Variants in DMP1 observed in about 807,000 individuals in gnomAD.
DMP1 encodes dentin matrix acidic phosphoprotein 1, also known as dentin matrix protein 1.
In DMP1, 20 loss-of-function variants were observed where a neutral mutation model predicts 14.6. The ratio of observed to expected loss-of-function variants is 1.37; its 90% CI spans 0.96 to 1.99. The LOEUF (loss-of-function observed/expected upper bound fraction) is 1.99. Among genes scored for constraint, DMP1 ranks in the 30% most tolerant of loss-of-function variants. The pLI is 0.00. For missense variants in DMP1, 567 were observed against 620.5 expected (o/e 0.91, Z 0.92); for synonymous variants, 197 against 215.3 (o/e 0.91, Z 0.75).
chr4:87,656,908 G>T, intron 2 of DMP1, 124 bp from the exon 3 acceptor site: 1 of 711,120 alleles, frequency 1.4e-6, no homozygotes, highest in Admixed American at 2.1e-5. Context: ...GTTTTAACAA[G>T]GCCTCCCAGT....
chr4:87,663,638 G>T lies in DMP1; in HGVS notation c.*318G>T. 2.4e-6 allele frequency: 1 copy of T among 410,876 alleles called. No individual in the cohort carries two copies. Among genetic ancestry groups the T allele is most frequent in the South Asian group, 2.2e-5 (1 of 46,206 alleles). The allele number at this position is 410,876 out of a possible 1,614,324, so 25.5% of individuals were successfully genotyped here. On this transcript the variant is annotated 3_prime_UTR_variant, in exon 6 of 6. Coordinates refer to ENST00000339673, the MANE Select transcript of DMP1 (RefSeq NM_004407.4). ...GCTATTGGGTGTCCATGATATACCA[G>T]GCACTATGCTAGGTGTTGAGAATGT...
At chr4:87,658,296 C>G (rs1447961529) in intron 3 of DMP1, among the ~76,000 whole-genome samples, 3 of 152,362 alleles carry the variant, frequency 2.0e-5, no homozygotes, top group African/African-American at 4.8e-5. Context: ...CAGCTCCTCC[C>G]TGCTCTACTT....
At chr4:87,655,869 A>G (rs1728675420) in intron 1 of DMP1, among the ~76,000 whole-genome samples, 1 of 152,174 alleles carries the variant, frequency 6.6e-6, no homozygotes, top group South Asian at 2.1e-4. Flanking sequence ...CTTTTTCGTC[A>G]ATTTATCATA....
Position 87,662,351 on chromosome 4 carries a change from G to T in DMP1, c.573G>T (p.Glu191Asp). 1.2e-6 allele frequency: 2 copies of T among 1,614,120 alleles called. No individual in the cohort carries two copies. Among genetic ancestry groups the T allele is most frequent in the Non-Finnish European group, 1.7e-6 (2 of 1,180,022 alleles). The change falls in exon 6 of 6, where the codon GAG becomes GAT. Residue 191 changes from glutamate (E) to aspartate (D), a missense_variant. By Grantham distance (45) the Glu-to-Asp change is conservative (BLOSUM62 2). Coordinates refer to ENST00000339673, the MANE Select transcript of DMP1 (RefSeq NM_004407.4). ...GDSTQESESE[E>D]HWVGGGSDGE... ...CCACTCAAGAGAGTGAGAGTGAAGA[G>T]CACTGGGTGGGAGGTGGCAGTGATG...
At chr4:87,657,704 T>A (rs1220745481) in intron 3 of DMP1, among the ~76,000 whole-genome samples, 3 of 152,230 alleles carry the variant, frequency 2.0e-5, no homozygotes, top group Non-Finnish European at 4.4e-5. Context: ...TGATATTACG[T>A]CACTCTAGCT....
Position 87,661,959 on chromosome 4 carries a change from T to C in DMP1, c.184-3T>C, listed in dbSNP as rs371815042. On this transcript the variant is annotated splice_region_variant and splice_polypyrimidine_tract_variant and intron_variant, in intron 5 of 5. Transcript: ENST00000339673. ...GACCATATCTGTTAACCCCAAATTC[T>C]AGGCAAATGAAGACCCCAGTGACAG... is the stretch of plus-strand genomic sequence containing the variant. 1.9e-6 allele frequency: 3 copies of C among 1,614,128 alleles called. No individual in the cohort carries two copies. The highest frequency in any genetic ancestry group is 2.5e-6 in the Non-Finnish European group (3 of 1,180,014).
chr4:87,653,413 AT>A (rs1201913891), intron 1 of DMP1, among the ~76,000 whole-genome samples: 20 of 112,620 alleles, frequency 1.8e-4, no homozygotes, highest in Non-Finnish European at 2.9e-4. Context: ...ATATATATAT[AT>A]ATATATATAT....
At chr4:87,653,446 G>C (rs1262212280) in intron 1 of DMP1, among the ~76,000 whole-genome samples, 1 of 101,470 alleles carries the variant, frequency 9.9e-6, no homozygotes, top group Non-Finnish European at 2.1e-5. Flanking sequence ...TTTTTTTTGA[G>C]ATAGGGTCTT....
Position 87,663,476 on chromosome 4 carries a change from G to C in DMP1, c.*156G>C. Reference sequence around the variant, plus strand: ...TTGCTGGACATTACACTTGTTTTTAGGGTGTCATCATTTCACAGAGGTTTA... The same window carrying C: ...TTGCTGGACATTACACTTGTTTTTACGGTGTCATCATTTCACAGAGGTTTA... On this transcript the variant is annotated 3_prime_UTR_variant, in exon 6 of 6. Transcript: ENST00000339673. 1.8e-6 allele frequency: 2 copies of C among 1,115,208 alleles called. No homozygotes were observed. Among genetic ancestry groups the C allele is most frequent in the Non-Finnish European group, 2.6e-6 (2 of 767,602 alleles). The allele number at this position is 1,115,208 out of a possible 1,614,324, so 69.1% of individuals were successfully genotyped here. A position where few individuals can be genotyped will look rare whatever the true frequency, so the allele number is the denominator to read the frequency against.
chr4:87,660,280 T>C (rs543988479), intron 5 of DMP1, among the ~76,000 whole-genome samples: 88 of 152,310 alleles, frequency 5.8e-4, no homozygotes, highest in African/African-American at 2.0e-3. Flanking sequence ...AGAAATGCCG[T>C]TTGCTGGGGA....
chr4:87,663,847 G>A lies in DMP1; in HGVS notation c.*527G>A, dbSNP rs554759690. ...GAACACTGAGAAGGGTGACCAATGC[G>A]TTGGAGAACGAGGGAGGGCTTCATA... is the stretch of plus-strand genomic sequence containing the variant. On this transcript the variant is annotated 3_prime_UTR_variant, in exon 6 of 6. Coordinates refer to ENST00000339673, the MANE Select transcript of DMP1 (RefSeq NM_004407.4). 1.9e-4 allele frequency: 33 copies of A among 169,962 alleles called. No homozygotes were observed. The highest frequency in any genetic ancestry group is 3.3e-4 in the Admixed American group (6 of 18,224). The allele number at this position is 169,962 out of a possible 1,614,324, so 10.5% of individuals were successfully genotyped here.
At chr4:87,657,623 T>C (rs1728737105) in intron 3 of DMP1, among the ~76,000 whole-genome samples, 1 of 152,220 alleles carries the variant, frequency 6.6e-6, no homozygotes, top group Admixed American at 6.5e-5. Context: ...ACTTTACAGA[T>C]GAGAAAACTG....
intron 2 of DMP1, 127 bp downstream of exon 2, chr4:87,656,673 C>T (rs1728707107): frequency 1.3e-6 from 1 of 766,806 alleles, no homozygotes; most frequent in Non-Finnish European, 2.4e-6. Context: ...TCTTAGCATG[C>T]TGTTTTCTTA....
chr4:87,661,341 C>A lies in DMP1; in HGVS notation c.184-621C>A, dbSNP rs576380507. 1.3e-4 allele frequency among the ~76,000 whole-genome samples: 19 copies of A among 151,542 alleles called. No individual in the cohort carries two copies. The South Asian group carries it at 2.3e-3, about 18-fold the overall frequency. ...GGTTCACGCCATTCTCCTGCCTCAG[C>A]CTCCGGAGTAGCTGGGACTACAGGC... On this transcript the variant is annotated intron_variant, in intron 5 of 5. Coordinates refer to ENST00000339673, the MANE Select transcript of DMP1 (RefSeq NM_004407.4).
At chr4:87,652,536 G>A (rs1728553453) in intron 1 of DMP1, among the ~76,000 whole-genome samples, 1 of 152,102 alleles carries the variant, frequency 6.6e-6, no homozygotes, top group Non-Finnish European at 1.5e-5. Context: ...TTGCATCTGG[G>A]AAATTATTGC....
intron 5 of DMP1, among the ~76,000 whole-genome samples, chr4:87,660,352 G>T (rs942558011): frequency 9.9e-5 from 15 of 152,170 alleles, no homozygotes. Context: ...ATTCCTGCTT[G>T]AGAAAGGGTA....
chr4:87,656,115 C>T (rs1031026735), intron 1 of DMP1, among the ~76,000 whole-genome samples: 3 of 152,154 alleles, frequency 2.0e-5, no homozygotes, highest in African/African-American at 7.2e-5. Flanking sequence ...TTAGCTGTCA[C>T]CCCTCAACCT....
rs1029997141 is a variant in DMP1, at chr4:87,663,056, C to T, written c.1278C>T (p.Asn426=). 3 of 1,614,056 alleles carry T rather than the reference C, an allele frequency of 1.9e-6. No individual in the cohort carries two copies. The highest frequency in any genetic ancestry group is 2.7e-5 in the African/African-American group (2 of 74,926). ...EESPESPEDE[N]SSSQEGLQSH... The stretch of plus-strand genomic sequence containing the variant: ...GCCCGGAGTCCCCTGAGGATGAGAA[C>T]AGCTCCAGCCAGGAGGGCCTCCAGT... The change falls in exon 6 of 6, where the codon AAC becomes AAT. Residue 426 remains asparagine (N), a synonymous_variant. Transcript: ENST00000339673.
intron 1 of DMP1, among the ~76,000 whole-genome samples, chr4:87,654,823 C>T (rs909291318): frequency 2.0e-5 from 3 of 152,200 alleles, no homozygotes; most frequent in African/African-American, 7.2e-5. Flanking sequence ...GTCAGACATG[C>T]ATCTGTCTCA....
Sources: gnomAD v4.1 joint callset for allele counts (sites outside exome capture counted in the v4.1 genomes callset) on GRCh38, gnomAD v4.1.1 for gene constraint, MANE v1.5 for transcripts, NCBI Gene and HGNC (gene_info 2026-07-23, HGNC 2026-07-21) for gene names.